CRADD: variants seen among roughly 807,000 people sequenced by gnomAD.
The protein encoded by CRADD is death domain-containing protein CRADD.
Under a neutral mutation model 15.5 loss-of-function variants are expected in CRADD, and 9 were observed. That is an observed-to-expected ratio of 0.58 (90% confidence interval 0.35 to 1.01). CRADD has a LOEUF of 1.01. CRADD is among the 50% of genes least tolerant of loss of function. The probability of loss-of-function intolerance (pLI) is 0.02; values close to 1 mark genes in which losing one functional copy is unlikely to be tolerated. For missense variants in CRADD, 227 were observed against 250.3 expected, an observed-to-expected ratio of 0.91 and a Z score of 0.63; for synonymous variants, 118 against 107.6, an observed-to-expected ratio of 1.10 and a Z score of -0.60.
chr12:93,846,610 A>ACG (rs1958122259), intron 2 of CRADD: 4 of 151,274 alleles, frequency 2.6e-5, no homozygotes, highest in African/African-American at 9.8e-5. Context: ...ACACACACAC[A>ACG]CACACACACA....
At chr12:93,847,513 A>AC (rs1341540582) in intron 2 of CRADD, among the ~76,000 whole-genome samples, 3 of 148,240 alleles carry the variant, frequency 2.0e-5, no homozygotes, top group Non-Finnish European at 3.0e-5. Flanking sequence ...AAAAAAAAAA[A>AC]AAAAAAAACC....
chr12:93,859,436 T>C (rs1286825070), intron 2 of CRADD: 2 of 446,468 alleles, frequency 4.5e-6, no homozygotes, highest in East Asian at 1.4e-4. Context: ...TAACTGGGAA[T>C]TGGAAGGTGA....
At chr12:93,800,909 C>T (rs1008106200) in intron 2 of CRADD, among the ~76,000 whole-genome samples, 4 of 152,066 alleles carry the variant, frequency 2.6e-5, no homozygotes. Flanking sequence ...CCATCACATA[C>T]ACTATTAAAG....
At chr12:93,710,859 GTTAGCATTA>G (rs138301344) in intron 2 of CRADD, among the ~76,000 whole-genome samples, 62 of 152,246 alleles carry the variant, frequency 4.1e-4, no homozygotes, top group Non-Finnish European at 7.6e-4. Flanking sequence ...TTAGATATTT[GTTAGCATTA>G]TCTTTTCAGT....
chr12:93,710,433 C>T (rs571583612), intron 2 of CRADD, among the ~76,000 whole-genome samples: 1 of 150,044 alleles, frequency 6.7e-6, no homozygotes, highest in Admixed American at 6.7e-5. Flanking sequence ...GCAACCTCTG[C>T]CTCCTGGGTT....
intron 2 of CRADD, among the ~76,000 whole-genome samples, chr12:93,749,456 C>T (rs1956806143): frequency 1.3e-5 from 2 of 152,180 alleles, no homozygotes; most frequent in Admixed American, 1.3e-4. Flanking sequence ...ATAGTTTGCA[C>T]AGAAGAGTCC....
chr12:93,832,818 A>G (rs755772396), intron 2 of CRADD, among the ~76,000 whole-genome samples: 2 of 152,258 alleles, frequency 1.3e-5, no homozygotes, highest in Admixed American at 1.3e-4. Context: ...TACGACTTCT[A>G]TATAAAGGAA....
At chr12:93,769,853 A>C (rs974551485) in intron 2 of CRADD, among the ~76,000 whole-genome samples, 3 of 152,054 alleles carry the variant, frequency 2.0e-5, no homozygotes, top group African/African-American at 7.2e-5. Context: ...ACTGTCAGAC[A>C]TTTTCTCATT....
intron 2 of CRADD, among the ~76,000 whole-genome samples, chr12:93,849,740 CA>C (rs77041843): frequency 0.051 from 3,161 of 62,234 alleles, 43 homozygotes; most frequent in African/African-American, 0.094. Flanking sequence ...AACACCGTCT[CA>C]AAAAAAAAAA....
intron 2 of CRADD, among the ~76,000 whole-genome samples, chr12:93,830,189 C>T (rs1054845875): frequency 8.5e-5 from 13 of 152,142 alleles, no homozygotes; most frequent in African/African-American, 2.2e-4. Flanking sequence ...CTCGAATCTT[C>T]GCTGTCACTT....
At chr12:93,848,776 A>G (rs941855923) in intron 2 of CRADD, 3 of 151,934 alleles carry the variant, frequency 2.0e-5, no homozygotes, top group Non-Finnish European at 4.4e-5. Flanking sequence ...GCTCCTCTGT[A>G]TAACCAAAGG....
At chr12:93,710,437 C>T (rs1022728730) in intron 2 of CRADD, among the ~76,000 whole-genome samples, 3 of 151,386 alleles carry the variant, frequency 2.0e-5, no homozygotes, top group African/African-American at 7.3e-5. Context: ...CCTCTGCCTC[C>T]TGGGTTCAAG....
chr12:93,685,988 C>T (rs1032630002), intron 2 of CRADD, among the ~76,000 whole-genome samples: 16 of 148,446 alleles, frequency 1.1e-4, no homozygotes, highest in East Asian at 2.0e-4. Context: ...AGCGAAACTT[C>T]GTCTAAAAAA....
At chr12:93,710,830 A>G (rs1052936436) in intron 2 of CRADD, among the ~76,000 whole-genome samples, 1 of 152,136 alleles carries the variant, frequency 6.6e-6, no homozygotes, top group Non-Finnish European at 1.5e-5. Context: ...AAGTTTGCTG[A>G]CAGTCCTCCT....
chr12:93,874,132 G>C (rs932724669), intron 2 of CRADD, among the ~76,000 whole-genome samples: 1 of 151,938 alleles, frequency 6.6e-6, no homozygotes, highest in African/African-American at 2.4e-5. Context: ...ACTTGTTATT[G>C]GTCTGTTAAA....
intron 2 of CRADD, among the ~76,000 whole-genome samples, chr12:93,721,427 C>T: frequency 6.6e-6 from 1 of 152,128 alleles, no homozygotes; most frequent in South Asian, 2.1e-4. Context: ...GTGTATATAA[C>T]TATATGTGTA....
At chr12:93,853,775 C>T (rs1958248032), downstream of CRADD, among the ~76,000 whole-genome samples, 1 of 152,172 alleles carries the variant, frequency 6.6e-6, no homozygotes, top group Non-Finnish European at 1.5e-5. Flanking sequence ...ACCTGTTGAT[C>T]CAAATGTGAT....
At chr12:93,753,787 T>A (rs1276143165) in intron 2 of CRADD, among the ~76,000 whole-genome samples, 1 of 152,244 alleles carries the variant, frequency 6.6e-6, no homozygotes, top group African/African-American at 2.4e-5. Context: ...TTGCAGGGTA[T>A]AGCCCCCCTC....
chr12:93,892,169 T>A (rs1958580600), intron 2 of CRADD, among the ~76,000 whole-genome samples: 1 of 152,104 alleles, frequency 6.6e-6, no homozygotes, highest in Non-Finnish European at 1.5e-5. Flanking sequence ...TTTACCGAGC[T>A]CCTTCAAGGA....
Sources: gnomAD v4.1 joint callset for allele counts (sites outside exome capture counted in the v4.1 genomes callset) on GRCh38, gnomAD v4.1.1 for gene constraint, MANE v1.5 for transcripts, NCBI Gene and HGNC (gene_info 2026-07-23, HGNC 2026-07-21) for gene names.